SPATA17: variants seen among roughly 807,000 people sequenced by gnomAD.
SPATA17 encodes the protein spermatogenesis associated 17, also known as spermatogenesis-associated protein 17.
A neutral mutation model predicts 62.2 loss-of-function variants in SPATA17; 53 were observed. The ratio of observed to expected loss-of-function variants is 0.85; its 90% confidence interval spans 0.68 to 1.07. SPATA17 has a LOEUF of 1.07. Among genes scored for constraint, SPATA17 ranks in the 50% least tolerant of loss-of-function variants. The pLI is 0.00. For missense variants in SPATA17, 466 were observed against 425.5 expected (o/e 1.10, Z -0.84); for synonymous variants, 146 against 146.8 (o/e 0.99, Z 0.04).
chr1:217,721,677 C>T (rs1324210185), intron 5 of SPATA17, among the ~76,000 whole-genome samples: 1 of 152,134 alleles, frequency 6.6e-6, no homozygotes, highest in East Asian at 1.9e-4. Flanking sequence ...TGGCTTATCC[C>T]TTAAAGGATA....
chr1:217,763,222 A>G (rs142800121), intron 6 of SPATA17, among the ~76,000 whole-genome samples: 1 of 152,322 alleles, frequency 6.6e-6, no homozygotes, highest in African/African-American at 2.4e-5. Flanking sequence ...TCATATATGC[A>G]TACAATTAGT....
At chr1:217,852,430 T>C (rs68117522) in intron 9 of SPATA17, among the ~76,000 whole-genome samples, 43,386 of 152,012 alleles carry the variant, frequency 0.29, 6,715 homozygotes, top group Admixed American at 0.37. Context: ...GGCTGGATTA[T>C]TATATACTTC....
chr1:217,787,199 T>G (rs1203010341), intron 8 of SPATA17, among the ~76,000 whole-genome samples: 1 of 152,106 alleles, frequency 6.6e-6, no homozygotes, highest in Non-Finnish European at 1.5e-5. Context: ...TTCCTTAACT[T>G]TAATTGCCAT....
At chr1:217,788,535 G>A (rs539268924) in intron 8 of SPATA17, among the ~76,000 whole-genome samples, 87 of 152,154 alleles carry the variant, frequency 5.7e-4, no homozygotes, top group Non-Finnish European at 9.6e-4. Flanking sequence ...GTAATTCAAA[G>A]GTCCTTAAAA....
chr1:217,825,495 A>G (rs996556561), intron 9 of SPATA17, among the ~76,000 whole-genome samples: 5 of 151,874 alleles, frequency 3.3e-5, no homozygotes, highest in African/African-American at 9.7e-5. Context: ...ATTTGCCACA[A>G]TTTATCAATT....
At chr1:217,696,284 A>C (rs1208697697) in intron 5 of SPATA17, among the ~76,000 whole-genome samples, 1 of 151,824 alleles carries the variant, frequency 6.6e-6, no homozygotes, top group Non-Finnish European at 1.5e-5. Flanking sequence ...CCTTTCTTTG[A>C]CTCCGAAAGG....
intron 7 of SPATA17, among the ~76,000 whole-genome samples, chr1:217,778,757 T>C (rs554169460): frequency 4.6e-5 from 7 of 152,290 alleles, no homozygotes; most frequent in African/African-American, 1.7e-4. Flanking sequence ...AAACATGTAA[T>C]ATTATGGTAT....
intron 9 of SPATA17, among the ~76,000 whole-genome samples, chr1:217,848,698 CT>C (rs1472460124): frequency 2.0e-5 from 3 of 152,054 alleles, no homozygotes; most frequent in Non-Finnish European, 4.4e-5. Flanking sequence ...TATTTCTATT[CT>C]GTTTTAAGCC....
intron 5 of SPATA17, among the ~76,000 whole-genome samples, chr1:217,728,268 G>T (rs368941400): frequency 2.6e-5 from 4 of 152,172 alleles, no homozygotes; most frequent in African/African-American, 9.6e-5. Context: ...CATTAAAATT[G>T]CTAACATATT....
intron 1 of SPATA17, among the ~76,000 whole-genome samples, chr1:217,648,372 G>A (rs1231367172): frequency 2.0e-5 from 3 of 151,984 alleles, no homozygotes; most frequent in African/African-American, 7.3e-5. Flanking sequence ...CCCTCCCCTT[G>A]CCTCCTTTAA....
At chr1:217,770,884 T>C (rs947542153) in intron 6 of SPATA17, among the ~76,000 whole-genome samples, 1 of 150,206 alleles carries the variant, frequency 6.7e-6, no homozygotes, top group African/African-American at 2.4e-5. Flanking sequence ...CAACCTGACA[T>C]AATTAATATT....
chr1:217,657,399 G>A (rs73107347), intron 3 of SPATA17, among the ~76,000 whole-genome samples: 1,825 of 152,046 alleles, frequency 0.012, 27 homozygotes, highest in African/African-American at 0.035. Context: ...ATATTGCCTC[G>A]GAGCTTAGGT....
intron 6 of SPATA17, among the ~76,000 whole-genome samples, chr1:217,756,726 A>C (rs1479232948): frequency 6.6e-6 from 1 of 152,234 alleles, no homozygotes; most frequent in South Asian, 2.1e-4. Context: ...GCAAGGCTTC[A>C]TGGGTCCTTA....
At chr1:217,826,967 G>T (rs1167596064) in intron 9 of SPATA17, among the ~76,000 whole-genome samples, 1 of 151,946 alleles carries the variant, frequency 6.6e-6, no homozygotes, top group Non-Finnish European at 1.5e-5. Context: ...ATACGCTTTA[G>T]CTTTTATTAT....
chr1:217,865,595 T>C (rs148987591), intron 10 of SPATA17, among the ~76,000 whole-genome samples: 1 of 152,338 alleles, frequency 6.6e-6, no homozygotes, highest in Non-Finnish European at 1.5e-5. Flanking sequence ...CAGTTTGGTC[T>C]AAATCAGTGT....
chr1:217,711,162 T>G (rs1400847749), intron 5 of SPATA17, among the ~76,000 whole-genome samples: 3 of 152,160 alleles, frequency 2.0e-5, no homozygotes, highest in African/African-American at 7.2e-5. Flanking sequence ...TTATTTTTGG[T>G]TCAGTGGTAC....
intron 5 of SPATA17, among the ~76,000 whole-genome samples, chr1:217,708,542 A>G (rs950044987): frequency 6.6e-6 from 1 of 152,112 alleles, no homozygotes; most frequent in Non-Finnish European, 1.5e-5. Context: ...AATGAGTTCC[A>G]AAGTTGAATC....
chr1:217,845,877 T>G (rs1241966696), intron 9 of SPATA17, among the ~76,000 whole-genome samples: 1 of 152,096 alleles, frequency 6.6e-6, no homozygotes, highest in Admixed American at 6.6e-5. Context: ...TAGTAGTTGT[T>G]TACAATTTCC....
At chr1:217,855,010 C>G (rs1675748668) in intron 9 of SPATA17, among the ~76,000 whole-genome samples, 2 of 152,198 alleles carry the variant, frequency 1.3e-5, no homozygotes, top group South Asian at 4.1e-4. Context: ...AGTTACTCCC[C>G]TTCTTGAGCA....
Sources: gnomAD v4.1 joint callset for allele counts (sites outside exome capture counted in the v4.1 genomes callset) on GRCh38, gnomAD v4.1.1 for gene constraint, MANE v1.5 for transcripts, NCBI Gene and HGNC (gene_info 2026-07-23, HGNC 2026-07-21) for gene names.